Variants in TGFBRAP1 observed in about 807,000 individuals in gnomAD.
The protein encoded by TGFBRAP1 is transforming growth factor beta receptor associated protein 1.
Under a neutral mutation model 83.2 loss-of-function variants are expected in TGFBRAP1, and 20 were observed. The ratio of observed to expected loss-of-function variants is 0.24; its 90% CI spans 0.17 to 0.35. The LOEUF (loss-of-function observed/expected upper bound fraction) is 0.35, where lower values mean the gene tolerates loss of function less well. Ranked by LOEUF, TGFBRAP1 falls within the 10% of genes least tolerant of loss-of-function variation. The pLI is 1.00. For synonymous variants in TGFBRAP1, 415 were observed against 459.8 expected (o/e 0.90, Z 1.25); for missense variants, 950 against 1,099.4 (o/e 0.86, Z 1.92).
chr2:105,251,838 C>T, the TGFBRAP1 span, among the ~76,000 whole-genome samples: 1 of 150,134 alleles, frequency 6.7e-6, no homozygotes, highest in Non-Finnish European at 1.5e-5. Context: ...TGATCTGTGA[C>T]CTTACCCCCA....
chr2:105,290,803 G>A (rs777528395), intron 4 of TGFBRAP1, among the ~76,000 whole-genome samples: 3 of 152,044 alleles, frequency 2.0e-5, no homozygotes, highest in Admixed American at 6.6e-5. Flanking sequence ...TCAGGAGTTC[G>A]AGACCAGCCT....
At chr2:105,326,973 TA>T (rs1417807591) in intron 1 of TGFBRAP1, among the ~76,000 whole-genome samples, 3 of 152,202 alleles carry the variant, frequency 2.0e-5, no homozygotes, top group Non-Finnish European at 4.4e-5. Context: ...AGTAGGTATT[TA>T]TTTTTTTAAA....
chr2:105,298,253 T>G (rs1678149168), intron 3 of TGFBRAP1, among the ~76,000 whole-genome samples: 3 of 152,136 alleles, frequency 2.0e-5, no homozygotes, highest in Admixed American at 2.0e-4. Context: ...CTCCCTGATA[T>G]CTCTAGGAAA....
At chr2:105,317,597 A>C (rs768152028) in intron 1 of TGFBRAP1, among the ~76,000 whole-genome samples, 3 of 152,236 alleles carry the variant, frequency 2.0e-5, no homozygotes, top group Non-Finnish European at 4.4e-5. Flanking sequence ...AGAAGTTCTA[A>C]AATAAGATAT....
intron 11 of TGFBRAP1, chr2:105,267,985 C>G (rs1558809723): frequency 3.1e-6 from 2 of 652,378 alleles, no homozygotes; most frequent in African/African-American, 3.9e-5. Flanking sequence ...GGGATGTAGT[C>G]AAAGTTACAC....
chr2:105,306,025 G>A (rs1442016461), intron 2 of TGFBRAP1, among the ~76,000 whole-genome samples: 1 of 151,436 alleles, frequency 6.6e-6, no homozygotes, highest in Non-Finnish European at 1.5e-5. Context: ...AATCTTACCA[G>A]GAACCCTTAC....
intron 1 of TGFBRAP1, chr2:105,324,286 GT>G (rs1679158939): frequency 6.6e-6 from 1 of 152,186 alleles, no homozygotes; most frequent in Non-Finnish European, 1.5e-5. Context: ...CAACTCTTAG[GT>G]AAGTCCAAAA....
At position 105,267,029 on chromosome 2, in the gene TGFBRAP1, GGGGAT is replaced by G; in HGVS notation, c.*349_*353del. 4.9e-6 allele frequency: 1 copy of G among 203,648 alleles called. No individual in the cohort carries two copies. Among genetic ancestry groups the G allele is most frequent in the Non-Finnish European group, 1.0e-5 (1 of 100,466 alleles). 12.6% of individuals were successfully genotyped at this position (203,648 alleles called of 1,614,324 possible). ...TAAAGGTTGGAGTGTGGGGGTGGTG[GGGGAT>G]CCCCCACCTGGGTCTGGACTGCATG... is the stretch of plus-strand genomic sequence containing the variant. On this transcript the variant is annotated 3_prime_UTR_variant, in exon 12 of 12. Transcript: ENST00000393359.
chr2:105,265,748 T>C lies in TGFBRAP1; in HGVS notation c.*1635A>G, dbSNP rs868239361. The C allele has an allele frequency of 3.9e-5, 6 of 152,562 alleles. No homozygotes were observed. Among genetic ancestry groups the C allele is most frequent in the Middle Eastern group, 3.4e-3 (1 of 294 alleles). The allele number at this position is 152,562 out of a possible 1,614,324, so 9.5% of individuals were successfully genotyped here. A position where few individuals can be genotyped will look rare whatever the true frequency, so the allele number is the denominator to read the frequency against. On this transcript the variant is annotated 3_prime_UTR_variant, in exon 12 of 12. Coordinates refer to ENST00000393359, the MANE Select transcript of TGFBRAP1 (RefSeq NM_004257.6). ...GAGAATTTCTTCATCATTTATTCTT[T>C]AGTTAATTGAAACATAGTCAGGAAA... is the stretch of plus-strand genomic sequence containing the variant.
intron 4 of TGFBRAP1, among the ~76,000 whole-genome samples, chr2:105,284,890 A>C (rs1677662185): frequency 6.6e-6 from 1 of 152,308 alleles, no homozygotes; most frequent in East Asian, 1.9e-4. Context: ...CGTCCAACCC[A>C]CATGAACACA....
chr2:105,306,341 C>T (rs11901684), intron 2 of TGFBRAP1, among the ~76,000 whole-genome samples: 33,616 of 151,950 alleles, frequency 0.22, 4,811 homozygotes, highest in East Asian at 0.54. Context: ...GGATTATAGG[C>T]GTGAGCCACT....
chr2:105,255,871 C>T, the TGFBRAP1 span, among the ~76,000 whole-genome samples: 1 of 152,112 alleles, frequency 6.6e-6, no homozygotes, highest in Non-Finnish European at 1.5e-5. Context: ...CCACATTCCC[C>T]ACCCCTTCCT....
At chr2:105,282,377 T>C (rs1677569025) in intron 5 of TGFBRAP1, among the ~76,000 whole-genome samples, 1 of 152,220 alleles carries the variant, frequency 6.6e-6, no homozygotes, top group Admixed American at 6.5e-5. Flanking sequence ...CAACCATAAC[T>C]AGCTGGTAAC....
chr2:105,298,376 G>A lies in TGFBRAP1; in HGVS notation c.883+135C>T. The A allele has an allele frequency of 3.5e-6, 3 of 869,534 alleles. No homozygotes were observed. The South Asian group carries it at 6.5e-5, about 19-fold the overall frequency. 53.9% of individuals were successfully genotyped at this position (869,534 alleles called of 1,614,324 possible). A position where few individuals can be genotyped will look rare whatever the true frequency, so the allele number is the denominator to read the frequency against. ...CCCCACTAACTGTGCAGCCCCTGAA[G>A]CACAGAGACTGTATTGGAGTCATCT... On this transcript the variant is annotated intron_variant, in intron 3 of 11. Transcript: ENST00000393359.
At chr2:105,251,332 GC>G in the TGFBRAP1 span, among the ~76,000 whole-genome samples, 4 of 146,356 alleles carry the variant, frequency 2.7e-5, no homozygotes, top group Non-Finnish European at 4.5e-5. Flanking sequence ...GAGCGTCTCT[GC>G]CCGGCCGCCC....
At chr2:105,292,063 T>C (rs1047009215) in intron 4 of TGFBRAP1, among the ~76,000 whole-genome samples, 1 of 152,156 alleles carries the variant, frequency 6.6e-6, no homozygotes, top group African/African-American at 2.4e-5. Flanking sequence ...GTCACTGTCA[T>C]CAACAAGCAC....
At chr2:105,260,013 T>C (rs1451651940), downstream of TGFBRAP1, among the ~76,000 whole-genome samples, 1 of 152,278 alleles carries the variant, frequency 6.6e-6, no homozygotes, top group East Asian at 1.9e-4. Context: ...ATAGAAATTC[T>C]AATTTTATAT....
rs1678585231 is a variant in TGFBRAP1 at position 105,308,244 on chromosome 2, C to T, written c.58G>A (p.Gly20Ser). 1 of 1,614,184 alleles carries T rather than the reference C, an allele frequency of 6.2e-7. No homozygotes were observed. The highest frequency in any genetic ancestry group is 1.7e-5 in the Admixed American group (1 of 60,026). Residue 20 changes from glycine to serine, a missense_variant, in exon 2 of 12, where the codon GGC (glycine) becomes AGC (serine). Gly to Ser is a moderately conservative substitution (Grantham distance 56). Transcript: ENST00000393359. ...VSAVERELLM[G>S]DKERVNIECV... Reference sequence around the variant, plus strand: ...TCTATGTTGACGCGCTCCTTGTCGCCCATCAGCAGCTCCCGCTCCACAGCA... The same window carrying T: ...TCTATGTTGACGCGCTCCTTGTCGCTCATCAGCAGCTCCCGCTCCACAGCA...
chr2:105,262,538 C>T (rs1381028085), downstream of TGFBRAP1, among the ~76,000 whole-genome samples: 1 of 152,172 alleles, frequency 6.6e-6, no homozygotes, highest in African/African-American at 2.4e-5. Flanking sequence ...TATCCAGTCT[C>T]GAATATTTAT....
Sources: gnomAD v4.1 joint callset for allele counts (sites outside exome capture counted in the v4.1 genomes callset) on GRCh38, gnomAD v4.1.1 for gene constraint, MANE v1.5 for transcripts, NCBI Gene and HGNC (gene_info 2026-07-23, HGNC 2026-07-21) for gene names.